The following SERPINF1 variants were observed in gnomAD, a reference collection of about 807,000 sequenced individuals.
SERPINF1 encodes pigment epithelium-derived factor.
In SERPINF1, 29 loss-of-function variants were observed where a neutral mutation model predicts 37.3. That is an observed-to-expected ratio of 0.78 (90% CI 0.58 to 1.06). The LOEUF (loss-of-function observed/expected upper bound fraction) is 1.06. Among genes scored for constraint, SERPINF1 ranks in the 50% least tolerant of loss-of-function variants. SERPINF1 has a pLI of 0.00. For synonymous variants in SERPINF1, 281 were observed against 227.9 expected (o/e 1.23, Z -2.10); for missense variants, 553 against 532.2 (o/e 1.04, Z -0.38).
At position 1,775,218 on chromosome 17, in the gene SERPINF1, C is replaced by T. The variant is rs775386651; in HGVS notation, c.786+18C>T. ...GCTGCAAGGTCTGTAGGGATAGGGG[C>T]AGGGTGGGGGGTGGATGGAGGGAGA... On this transcript the variant is annotated intron_variant, in intron 6 of 7. Transcript: ENST00000254722. The T allele has an allele frequency of 1.3e-6, 2 of 1,597,822 alleles. No homozygotes were observed. The highest frequency in any genetic ancestry group is 3.3e-5 in the Admixed American group (2 of 59,708).
chr17:1,772,612 G>A (rs1443214373), intron 5 of SERPINF1, among the ~76,000 whole-genome samples: 2 of 149,666 alleles, frequency 1.3e-5, no homozygotes, highest in Non-Finnish European at 3.0e-5. Context: ...AGGCTGGAGT[G>A]CAGTGGCGCG....
At position 1,766,975 on chromosome 17, in the gene SERPINF1, C is replaced by T. The variant is rs1476184985; in HGVS notation, c.65C>T (p.Pro22Leu). Residue 22 changes from proline (P) to leucine (L), a missense_variant, in exon 2 of 8, where the codon CCT becomes CTT. By Grantham distance (98) the Pro-to-Leu change is moderately conservative. Transcript: ENST00000254722. ...ALLGHSSCQN[P>L]ASPPEEGSPD... is the part of the protein sequence containing the mutation. The stretch of plus-strand genomic sequence containing the variant: ...CTCGGGCACAGCAGCTGCCAGAACC[C>T]TGCCAGCCCCCCGGAGGAGGTCAGT... The T allele has an allele frequency of 1.3e-6, 2 of 1,557,848 alleles. No individual in the cohort carries two copies. Among genetic ancestry groups the T allele is most frequent in the South Asian group, 1.2e-5 (1 of 84,430 alleles).
chr17:1,767,611 C>T (rs1907465014), intron 2 of SERPINF1, among the ~76,000 whole-genome samples: 1 of 152,228 alleles, frequency 6.6e-6, no homozygotes, highest in African/African-American at 2.4e-5. Context: ...GATACAGGCA[C>T]ATGGAGGGAA....
chr17:1,768,426 G>A (rs1315830089), intron 2 of SERPINF1, among the ~76,000 whole-genome samples: 15 of 94,506 alleles, frequency 1.6e-4, no homozygotes, highest in African/African-American at 3.7e-4. Flanking sequence ...GTGAGACTCC[G>A]TCTCAAAAAA....
At position 1,777,252 on chromosome 17, in the gene SERPINF1, C is replaced by G; in HGVS notation, c.1063C>G (p.Gln355Glu). 6.2e-7 allele frequency: 1 copy of G among 1,614,128 alleles called. No individual in the cohort carries two copies. Among genetic ancestry groups the G allele is most frequent in the East Asian group, 2.2e-5 (1 of 44,856 alleles). Residue 355 changes from glutamine (Q) to glutamate (E), a missense_variant, in exon 8 of 8, where the codon CAG becomes GAG. Gln to Glu is a conservative substitution (Grantham distance 29). Coordinates refer to ENST00000254722, the MANE Select transcript of SERPINF1 (RefSeq NM_002615.7). The stretch of plus-strand genomic sequence containing the variant: ...CACAGGCAAACCCATCAAGCTGACT[C>G]AGGTGGAACACCGGGCTGGCTTTGA... ...KITGKPIKLT[Q>E]VEHRAGFEWN...
At chr17:1,774,596 G>A (rs1213222121) in intron 5 of SERPINF1, among the ~76,000 whole-genome samples, 2 of 151,864 alleles carry the variant, frequency 1.3e-5, no homozygotes, top group African/African-American at 4.8e-5. Context: ...CCTCCTGAAG[G>A]GCTGGGACTA....
At chr17:1,772,180 G>C (rs549572720) in intron 5 of SERPINF1, 105 bp downstream of exon 5, 4 of 1,244,866 alleles carry the variant, frequency 3.2e-6, no homozygotes, top group African/African-American at 1.5e-5. Context: ...GCAGTGGTGC[G>C]ATCTCAGCTC....
chr17:1,771,181 A>C lies in SERPINF1; in HGVS notation c.436A>C (p.Lys146Gln), dbSNP rs748244723. 6.2e-7 allele frequency: 1 copy of C among 1,613,308 alleles called. No individual in the cohort carries two copies. Among genetic ancestry groups the C allele is most frequent in the Non-Finnish European group, 8.5e-7 (1 of 1,179,776 alleles). Residue 146 changes from lysine (K) to glutamine (Q), a missense_variant, in exon 4 of 8, where the codon AAG (lysine) becomes CAG (glutamine). Transcript: ENST00000254722. ...LKSASRIVFE[K>Q]KLRIKSSFVA... is the part of the protein sequence containing the mutation. ...GAGTGCCTCCCGGATCGTCTTTGAG[A>C]AGAGTGAGTCGCCTTTGCAGCCCAA... is the stretch of plus-strand genomic sequence containing the variant.
intron 1 of SERPINF1, among the ~76,000 whole-genome samples, chr17:1,763,597 T>G (rs1422054282): frequency 3.3e-5 from 5 of 152,210 alleles, no homozygotes; most frequent in Admixed American, 3.3e-4. Context: ...ACCCCCACGC[T>G]TGCCCTCTCA....
chr17:1,776,653 G>A lies in SERPINF1; in HGVS notation c.908G>A (p.Arg303Gln), dbSNP rs921515843. The change falls in exon 7 of 8, where the codon CGA (arginine) becomes CAA (glutamine). Residue 303 changes from arginine (R) to glutamine (Q), a missense_variant. Physicochemically the swap from Arg to Gln is conservative, Grantham distance 43. Transcript: ENST00000254722. ...TCCGAGTTCATTCATGACATAGACC[G>A]AGAACTGAAGACCGTGCAGGCGGTC... ...LTSEFIHDID[R>Q]ELKTVQAVLT... 4 of 1,613,936 alleles carry A rather than the reference G, an allele frequency of 2.5e-6. No homozygotes were observed. Among genetic ancestry groups the A allele is most frequent in the African/African-American group, 1.3e-5 (1 of 74,956 alleles).
intron 7 of SERPINF1, 60 bp downstream of exon 7, chr17:1,776,802 C>A (rs770018570): frequency 2.0e-6 from 3 of 1,502,922 alleles, no homozygotes; most frequent in East Asian, 4.5e-5. Flanking sequence ...GGTCTTTGGG[C>A]CTTCCACTGT....
chr17:1,770,386 G>A, intron 3 of SERPINF1: 1 of 446,170 alleles, frequency 2.2e-6, no homozygotes, highest in South Asian at 2.4e-5. Flanking sequence ...GCAGGTGTGG[G>A]CTTGCCCTCA....
In SERPINF1 at chr17:1,762,114, G is replaced by A; in HGVS notation, c.-9+1G>A. On this transcript the variant is annotated splice_donor_variant, in intron 1 of 7. Coordinates refer to ENST00000254722, the MANE Select transcript of SERPINF1 (RefSeq NM_002615.7). LOFTEE classifies it low-confidence loss of function (5UTR_SPLICE). Reference sequence around the variant, plus strand: ...GTGTGGAGCTGCAGCGTATCCACAGGTAAAGCAGCTCCCTGGCTGCTCTGA... The same window carrying A: ...GTGTGGAGCTGCAGCGTATCCACAGATAAAGCAGCTCCCTGGCTGCTCTGA... The A allele has an allele frequency of 6.6e-6, 1 of 152,670 alleles. No homozygotes were observed. The highest frequency in any genetic ancestry group is 2.1e-4 in the South Asian group (1 of 4,836). The allele number at this position is 152,670 out of a possible 1,614,324, so 9.5% of individuals were successfully genotyped here. A position where few individuals can be genotyped will look rare whatever the true frequency, so the allele number is the denominator to read the frequency against.
intron 1 of SERPINF1, among the ~76,000 whole-genome samples, chr17:1,765,841 T>C (rs910444599): frequency 1.0e-4 from 14 of 135,472 alleles, no homozygotes; most frequent in Non-Finnish European, 2.0e-4. Flanking sequence ...CACTCCAGCC[T>C]GGGCAGCACA....
chr17:1,766,697 G>A, intron 1 of SERPINF1: 1 of 580,292 alleles, frequency 1.7e-6, no homozygotes, highest in East Asian at 2.9e-5. Context: ...GGGAGGGGCG[G>A]GAGAACCTTG....
Position 1,766,905 on chromosome 17 carries a change from C to T in SERPINF1, c.-6C>T. ...GCTGCCTCGTTCTTTTCTTGCAGGC[C>T]CCAGGATGCAGGCCCTGGTGCTACT... On this transcript the variant is annotated splice_region_variant and 5_prime_UTR_variant, in exon 2 of 8. Coordinates refer to ENST00000254722, the MANE Select transcript of SERPINF1 (RefSeq NM_002615.7). The T allele has an allele frequency of 1.9e-6, 3 of 1,556,874 alleles. No homozygotes were observed. Among genetic ancestry groups the T allele is most frequent in the Non-Finnish European group, 2.6e-6 (3 of 1,150,130 alleles).
intron 5 of SERPINF1, among the ~76,000 whole-genome samples, chr17:1,772,314 C>T (rs1907798846): frequency 6.6e-6 from 1 of 151,934 alleles, no homozygotes; most frequent in African/African-American, 2.4e-5. Flanking sequence ...TGGGGTTTCA[C>T]CATGTTGGCC....
intron 6 of SERPINF1, 86 bp from the exon 7 acceptor site, chr17:1,776,446 G>A (rs1205674223): frequency 9.8e-6 from 12 of 1,225,356 alleles, no homozygotes; most frequent in East Asian, 7.0e-5. Context: ...GCCCCGTCAC[G>A]GGAGAGGGAA....
chr17:1,776,890 GA>G, intron 7 of SERPINF1, 148 bp downstream of exon 7: 6 of 809,556 alleles, frequency 7.4e-6, no homozygotes, highest in Non-Finnish European at 1.2e-5. Flanking sequence ...TGCCAGAAGG[GA>G]AGGCTGAACT....
Sources: allele counts gnomAD v4.1 joint callset (sites outside exome capture counted in the v4.1 genomes callset), GRCh38; gene constraint gnomAD v4.1.1; transcripts MANE v1.5; gene names NCBI Gene and HGNC (gene_info 2026-07-23, HGNC 2026-07-21).